FAM227B: variants seen among roughly 807,000 people sequenced by gnomAD.
FAM227B encodes the protein family with sequence similarity 227 member B.
FAM227B carries 88 observed loss-of-function variants against 73.8 expected under a neutral mutation model. That is an observed-to-expected ratio of 1.19 (90% CI 1.00 to 1.42). FAM227B has a LOEUF of 1.42. FAM227B is among the 40% of genes most tolerant of loss of function. The pLI is 0.00. For synonymous variants in FAM227B, 210 were observed against 190.5 expected (o/e 1.10, Z -0.84); for missense variants, 632 against 590.9 (o/e 1.07, Z -0.72).
chr15:49,554,619 C>T (rs2073435453), intron 9 of FAM227B, among the ~76,000 whole-genome samples: 1 of 152,158 alleles, frequency 6.6e-6, no homozygotes, highest in Admixed American at 6.5e-5. Flanking sequence ...GTTCTTTCCC[C>T]AGCACCCAGA....
At chr15:49,592,860 T>C (rs1326546702) in intron 3 of FAM227B, among the ~76,000 whole-genome samples, 1 of 152,214 alleles carries the variant, frequency 6.6e-6, no homozygotes, top group Non-Finnish European at 1.5e-5. Flanking sequence ...TCAAGCTTCC[T>C]GCCCACTTTG....
At chr15:49,466,484 A>G (rs2054277606) in intron 11 of FAM227B, among the ~76,000 whole-genome samples, 1 of 152,122 alleles carries the variant, frequency 6.6e-6, no homozygotes, top group Non-Finnish European at 1.5e-5. Context: ...GATTTTGGAG[A>G]GCTTTGGATA....
intron 10 of FAM227B, among the ~76,000 whole-genome samples, chr15:49,528,650 A>G (rs1267804955): frequency 2.0e-5 from 3 of 151,802 alleles, no homozygotes; most frequent in Admixed American, 2.0e-4. Context: ...AAAACACTCC[A>G]TTAAAAAGTG....
chr15:49,547,384 T>G (rs886230477), intron 9 of FAM227B, among the ~76,000 whole-genome samples: 3 of 149,486 alleles, frequency 2.0e-5, no homozygotes, highest in African/African-American at 7.5e-5. Flanking sequence ...ACAAGCAAAA[T>G]AACCAGCTAA....
chr15:49,517,356 G>A (rs2059443812), intron 10 of FAM227B, among the ~76,000 whole-genome samples: 2 of 152,068 alleles, frequency 1.3e-5, no homozygotes, highest in Non-Finnish European at 2.9e-5. Flanking sequence ...AGAGAACATT[G>A]AATCTAGTAT....
At chr15:49,444,707 CG>C (rs1044106750) in intron 11 of FAM227B, among the ~76,000 whole-genome samples, 165 of 151,676 alleles carry the variant, frequency 1.1e-3, no homozygotes, top group African/African-American at 3.9e-3. Context: ...GCATATGTTC[CG>C]GGGTCTGTCT....
intron 10 of FAM227B, among the ~76,000 whole-genome samples, chr15:49,534,292 T>TAA (rs2060841247): frequency 1.3e-5 from 2 of 151,800 alleles, no homozygotes; most frequent in South Asian, 4.1e-4. Flanking sequence ...TGCTGAGAAA[T>TAA]AAGGTTCCAC....
intron 11 of FAM227B, among the ~76,000 whole-genome samples, chr15:49,377,319 A>C (rs1404388809): frequency 1.3e-5 from 2 of 152,124 alleles, no homozygotes; most frequent in Non-Finnish European, 2.9e-5. Context: ...CAGTGCTGCA[A>C]CATACAGGAG....
chr15:49,341,737 T>G (rs956552702), intron 13 of FAM227B, among the ~76,000 whole-genome samples: 2 of 152,208 alleles, frequency 1.3e-5, no homozygotes, highest in African/African-American at 4.8e-5. Context: ...GAGATTTTGG[T>G]ATGTTCTGGT....
intron 11 of FAM227B, chr15:49,485,271 A>T (rs60771113): frequency 0.33 from 49,656 of 151,944 alleles, 8,882 homozygotes; most frequent in African/African-American, 0.46. Context: ...CATTTTATAA[A>T]TCCTCAAAGT....
chr15:49,558,797 C>G (rs956430903), intron 9 of FAM227B, among the ~76,000 whole-genome samples: 1 of 152,108 alleles, frequency 6.6e-6, no homozygotes, highest in Non-Finnish European at 1.5e-5. Context: ...AAATTACCTA[C>G]GTACCCTACC....
At chr15:49,437,092 C>T (rs749137790) in intron 11 of FAM227B, among the ~76,000 whole-genome samples, 7 of 151,496 alleles carry the variant, frequency 4.6e-5, no homozygotes, top group Non-Finnish European at 1.0e-4. Flanking sequence ...TTTATTAAAA[C>T]TATTTATACT....
intron 11 of FAM227B, among the ~76,000 whole-genome samples, chr15:49,504,605 TAA>T (rs913965794): frequency 6.8e-6 from 1 of 146,910 alleles, no homozygotes. Flanking sequence ...TGTTAAAGTT[TAA>T]AAAAAAAAAG....
At chr15:49,497,145 T>C (rs2057690440) in intron 11 of FAM227B, among the ~76,000 whole-genome samples, 1 of 152,168 alleles carries the variant, frequency 6.6e-6, no homozygotes, top group Non-Finnish European at 1.5e-5. Context: ...TTTTCAGTTG[T>C]AAAAATAAAG....
intron 13 of FAM227B, chr15:49,365,537 A>C (rs1417119683): frequency 1.2e-6 from 1 of 859,974 alleles, no homozygotes; most frequent in South Asian, 1.3e-5. Flanking sequence ...ACTACTGGCA[A>C]TGTTTCAGTA....
intron 11 of FAM227B, among the ~76,000 whole-genome samples, chr15:49,387,733 A>G (rs1397139901): frequency 2.0e-5 from 3 of 151,814 alleles, no homozygotes; most frequent in Non-Finnish European, 3.0e-5. Context: ...AGAACATCCT[A>G]AGTACTCCTC....
chr15:49,467,576 T>C (rs1322664527), intron 11 of FAM227B, among the ~76,000 whole-genome samples: 1 of 152,140 alleles, frequency 6.6e-6, no homozygotes, highest in African/African-American at 2.4e-5. Flanking sequence ...TTCCATTTCA[T>C]ATAAAAATCT....
At chr15:49,370,834 A>G (rs191492958) in intron 12 of FAM227B, among the ~76,000 whole-genome samples, 62 of 152,350 alleles carry the variant, frequency 4.1e-4, no homozygotes, top group African/African-American at 1.4e-3. Flanking sequence ...AGGCACCTTC[A>G]AGAATGTCGA....
intron 13 of FAM227B, among the ~76,000 whole-genome samples, chr15:49,361,215 A>T (rs1596531385): frequency 6.6e-6 from 1 of 152,296 alleles, no homozygotes; most frequent in East Asian, 1.9e-4. Flanking sequence ...AATTTAAAAA[A>T]CTTAAAAAAT....
Sources: gnomAD v4.1 joint callset for allele counts (sites outside exome capture counted in the v4.1 genomes callset) on GRCh38, gnomAD v4.1.1 for gene constraint, MANE v1.5 for transcripts, NCBI Gene and HGNC (gene_info 2026-07-23, HGNC 2026-07-21) for gene names.